The following ACOT12 variants were observed in gnomAD, a reference collection of about 807,000 sequenced individuals.
The protein encoded by ACOT12 is acetyl-coenzyme A thioesterase.
A neutral mutation model predicts 67.7 loss-of-function variants in ACOT12; 51 were observed. The observed-to-expected ratio is 0.75, with a 90% CI of 0.60 to 0.95. The LOEUF is 0.95. ACOT12 is among the 40% of genes least tolerant of loss of function. ACOT12 has a pLI of 0.00. For missense variants in ACOT12, 734 were observed against 708.1 expected (o/e 1.04, Z -0.41); for synonymous variants, 251 against 244.6 (o/e 1.03, Z -0.24).
chr5:81,358,734 A>G (rs1450422314), intron 5 of ACOT12, among the ~76,000 whole-genome samples: 1 of 152,138 alleles, frequency 6.6e-6, no homozygotes, highest in Non-Finnish European at 1.5e-5. Context: ...CTATAATCCC[A>G]GCTACTTCGG....
At chr5:81,345,081 T>G in intron 7 of ACOT12, 40 bp from the exon 8 acceptor site, 2 of 1,610,094 alleles carry the variant, frequency 1.2e-6, no homozygotes, top group Non-Finnish European at 1.7e-6. Flanking sequence ...AAGAGGATCT[T>G]GACCCATCAG....
chr5:81,313,753 A>T, the ACOT12 span, among the ~76,000 whole-genome samples: 2 of 152,214 alleles, frequency 1.3e-5, no homozygotes. Flanking sequence ...AAATAAGAAA[A>T]GAAACACTTT....
chr5:81,344,596 A>G (rs1262020239), intron 8 of ACOT12, among the ~76,000 whole-genome samples: 2 of 152,208 alleles, frequency 1.3e-5, no homozygotes, highest in East Asian at 1.9e-4. Context: ...ATCAAGAGCT[A>G]GAGTTAAGGA....
the ACOT12 span, among the ~76,000 whole-genome samples, chr5:81,322,924 C>T: frequency 1.3e-5 from 2 of 151,980 alleles, no homozygotes; most frequent in Non-Finnish European, 2.9e-5. Flanking sequence ...ATCTCCTTCA[C>T]CTGGTCCTGC....
At chr5:81,342,014 A>G (rs906149579) in intron 11 of ACOT12, among the ~76,000 whole-genome samples, 1 of 152,208 alleles carries the variant, frequency 6.6e-6, no homozygotes. Flanking sequence ...TTTTAGAGAC[A>G]GAGTCTTGCT....
chr5:81,377,470 G>A (rs962547030), intron 2 of ACOT12, among the ~76,000 whole-genome samples: 1 of 152,168 alleles, frequency 6.6e-6, no homozygotes, highest in African/African-American at 2.4e-5. Context: ...ATTCAACATA[G>A]TGTTGGAAGT....
At position 81,394,133 on chromosome 5, in the gene ACOT12, A is replaced by AAG. The variant is rs1760944224; in HGVS notation, c.-20_-19insCT. On this transcript the variant is annotated 5_prime_UTR_variant, in exon 1 of 15. Transcript: ENST00000307624. The stretch of plus-strand genomic sequence containing the variant: ...GCTCCATGGCCAGGGCGAGAGCGCT[A>AAG]CGCCTGCGGCCCCCGACACCCCACC... The AAG allele has an allele frequency of 1.5e-5, 21 of 1,410,518 alleles. No individual in the cohort carries two copies. Among genetic ancestry groups the AAG allele is most frequent in the Non-Finnish European group, 1.8e-5 (20 of 1,084,524 alleles). 87.4% of individuals were successfully genotyped at this position (1,410,518 alleles called of 1,614,324 possible).
At chr5:81,346,722 A>G (rs1759392542) in intron 6 of ACOT12, among the ~76,000 whole-genome samples, 2 of 152,222 alleles carry the variant, frequency 1.3e-5, no homozygotes, top group African/African-American at 4.8e-5. Flanking sequence ...TGACAATCTC[A>G]TTTTAAAAAC....
At chr5:81,385,500 T>C (rs919849888) in intron 2 of ACOT12, among the ~76,000 whole-genome samples, 2 of 152,174 alleles carry the variant, frequency 1.3e-5, no homozygotes, top group Admixed American at 6.5e-5. Context: ...TTGGCTGTTA[T>C]GCCTTATGCC....
At chr5:81,378,918 G>A (rs1247591493) in intron 2 of ACOT12, among the ~76,000 whole-genome samples, 1 of 152,150 alleles carries the variant, frequency 6.6e-6, no homozygotes, top group Non-Finnish European at 1.5e-5. Flanking sequence ...GGAAGACAAC[G>A]TGGCGATTCC....
chr5:81,326,709 C>T (rs528409377), downstream of ACOT12, among the ~76,000 whole-genome samples: 4 of 152,306 alleles, frequency 2.6e-5, no homozygotes, highest in South Asian at 6.2e-4. Context: ...ACAAGCCAGG[C>T]CTCCTCTGCC....
At position 81,332,595 on chromosome 5, in the gene ACOT12, C is replaced by T; in HGVS notation, c.1273G>A (p.Val425Ile). 6.2e-7 allele frequency: 1 copy of T among 1,614,046 alleles called. No homozygotes were observed. Among genetic ancestry groups the T allele is most frequent in the South Asian group, 1.1e-5 (1 of 91,082 alleles). ...TCATCTTCACTCACCCAGTCTATGA[C>T]TTCACAGGACCTGTGTATATAGAAC... ...LWDPHFVSCEVIDWVSEDDQL... is the reference protein window; with the variant it reads ...LWDPHFVSCEIIDWVSEDDQL... Residue 425 changes from valine (V) to isoleucine (I), a missense_variant, in exon 13 of 15, where the codon GTC becomes ATC. Transcript: ENST00000307624.
the ACOT12 span, among the ~76,000 whole-genome samples, chr5:81,319,348 A>G: frequency 1.3e-5 from 2 of 152,244 alleles, no homozygotes; most frequent in Non-Finnish European, 2.9e-5. Context: ...GTATAATTCA[A>G]TGGTTTTAGT....
chr5:81,321,032 G>T, the ACOT12 span, among the ~76,000 whole-genome samples: 1 of 152,130 alleles, frequency 6.6e-6, no homozygotes, highest in Non-Finnish European at 1.5e-5. Context: ...CAGGTGGGTG[G>T]ATCGCTTGAA....
intron 7 of ACOT12, among the ~76,000 whole-genome samples, chr5:81,345,618 G>A (rs1243638259): frequency 6.6e-6 from 1 of 151,992 alleles, no homozygotes; most frequent in African/African-American, 2.4e-5. Context: ...ATTATGCAGG[G>A]ATGACAGGTA....
At chr5:81,361,999 G>A (rs1759924025) in intron 4 of ACOT12, among the ~76,000 whole-genome samples, 1 of 152,112 alleles carries the variant, frequency 6.6e-6, no homozygotes, top group African/African-American at 2.4e-5. Flanking sequence ...TGCTGAACCA[G>A]CATATTAGCA....
chr5:81,382,959 G>C (rs1052931233), intron 2 of ACOT12, among the ~76,000 whole-genome samples: 1 of 152,164 alleles, frequency 6.6e-6, no homozygotes, highest in East Asian at 1.9e-4. Flanking sequence ...TTTCCCTCTA[G>C]AGAAGTATTT....
chr5:81,367,292 A>G (rs1011307355), intron 3 of ACOT12, among the ~76,000 whole-genome samples: 1 of 152,184 alleles, frequency 6.6e-6, no homozygotes, highest in Non-Finnish European at 1.5e-5. Context: ...GTATATATAT[A>G]AAATACTTCT....
Position 81,335,865 on chromosome 5 carries a change from A to C in ACOT12, c.1165T>G (p.Ser389Ala), listed in dbSNP as rs1317823573. The C allele has an allele frequency of 1.2e-6, 2 of 1,613,948 alleles. No individual in the cohort carries two copies. The highest frequency in any genetic ancestry group is 2.7e-5 in the African/African-American group (2 of 74,950). The change falls in exon 12 of 15, where the codon TCT (serine) becomes GCT (alanine). Residue 389 changes from serine to alanine, a missense_variant. Ser to Ala is a moderately conservative substitution (Grantham distance 99). Coordinates refer to ENST00000307624, the MANE Select transcript of ACOT12 (RefSeq NM_130767.3). ...CCCACGTGCTTTTCAACCCAAACAG[A>C]TAAAACATCATGCTCTTCCAGAGTA... ...IYTLEEHDVLSVWVEKHVGSP... is the reference protein window; with the variant it reads ...IYTLEEHDVLAVWVEKHVGSP...
Sources: allele counts gnomAD v4.1 joint callset (sites outside exome capture counted in the v4.1 genomes callset), GRCh38; gene constraint gnomAD v4.1.1; transcripts MANE v1.5; gene names NCBI Gene and HGNC (gene_info 2026-07-23, HGNC 2026-07-21).